Variants in PTPRQ observed in about 807,000 individuals in gnomAD.
PTPRQ encodes the protein protein tyrosine phosphatase receptor type Q, also known as phosphatidylinositol phosphatase PTPRQ.
A neutral mutation model predicts 246.0 loss-of-function variants in PTPRQ; 199 were observed. That is an observed-to-expected ratio of 0.81 (90% CI 0.72 to 0.91). The LOEUF is 0.91. Among genes scored for constraint, PTPRQ ranks in the 40% least tolerant of loss-of-function variants. The pLI is 0.00. For synonymous variants in PTPRQ, 869 were observed against 853.2 expected (o/e 1.02, Z -0.32); for missense variants, 2,624 against 2,528.4 (o/e 1.04, Z -0.81).
chr12:80,620,046 A>G, intron 31 of PTPRQ, 108 bp from the exon 32 acceptor site: 1 of 1,322,004 alleles, frequency 7.6e-7, no homozygotes, highest in African/African-American at 1.5e-5. Context: ...CTGGTGACTG[A>G]TGTTGCATCG....
At chr12:80,658,863 T>A (rs1190191723) in intron 39 of PTPRQ, among the ~76,000 whole-genome samples, 4 of 152,048 alleles carry the variant, frequency 2.6e-5, no homozygotes, top group African/African-American at 9.7e-5. Flanking sequence ...GGTCTTCTCA[T>A]CCATGCCCTC....
rs1156351437 is a variant in PTPRQ, at chr12:80,542,741, C to A, written c.3733C>A (p.Pro1245Thr). ...FYTDESVPLA[P>T]PQNLTLINCT... ...GTGTTTTCCTACAGTGCCGTTAGCACCTCCACAAAATTTGACTTTAATCAA... is the reference window on the plus strand; with the variant it reads ...GTGTTTTCCTACAGTGCCGTTAGCAACTCCACAAAATTTGACTTTAATCAA... The change falls in exon 23 of 45, where the codon CCT (proline) becomes ACT (threonine). Residue 1245 changes from proline (P) to threonine (T), a missense_variant. Coordinates refer to ENST00000644991, the MANE Select transcript of PTPRQ (RefSeq NM_001145026.2). 1.3e-6 allele frequency: 2 copies of A among 1,543,582 alleles called. No homozygotes were observed. The highest frequency in any genetic ancestry group is 1.2e-5 in the South Asian group (1 of 81,710).
At chr12:80,452,271 A>T (rs60770733) in intron 3 of PTPRQ, among the ~76,000 whole-genome samples, 14,290 of 149,646 alleles carry the variant, frequency 0.095, 1,437 homozygotes, top group African/African-American at 0.25. Flanking sequence ...TGCATGTGAG[A>T]TGGGTTTCCT....
chr12:80,510,239 T>C, intron 16 of PTPRQ, 84 bp from the exon 17 acceptor site: 16 of 1,280,144 alleles, frequency 1.2e-5, no homozygotes, highest in Non-Finnish European at 1.6e-5. Flanking sequence ...AGAAAGTTTA[T>C]AATAAAAATT....
chr12:80,560,514 T>C (rs560853836), intron 25 of PTPRQ, among the ~76,000 whole-genome samples: 12 of 152,312 alleles, frequency 7.9e-5, no homozygotes, highest in Admixed American at 2.0e-4. Flanking sequence ...TCCACTGTTA[T>C]ATGGCCACAA....
At chr12:80,491,646 T>TAAGG (rs1221859471) in intron 9 of PTPRQ, among the ~76,000 whole-genome samples, 1 of 151,946 alleles carries the variant, frequency 6.6e-6, no homozygotes, top group Non-Finnish European at 1.5e-5. Context: ...GGAATGAAGA[T>TAAGG]TTTTTGACTC....
At chr12:80,638,708 A>C (rs1899747917) in intron 35 of PTPRQ, among the ~76,000 whole-genome samples, 2 of 152,162 alleles carry the variant, frequency 1.3e-5, no homozygotes, top group South Asian at 4.1e-4. Flanking sequence ...CTATCATTCT[A>C]TACTATTTCT....
chr12:80,485,119 G>A (rs1465482131), intron 9 of PTPRQ, among the ~76,000 whole-genome samples: 2 of 151,894 alleles, frequency 1.3e-5, no homozygotes, highest in Non-Finnish European at 2.9e-5. Context: ...AGAAATTTAA[G>A]TCGTTTCATA....
intron 35 of PTPRQ, among the ~76,000 whole-genome samples, chr12:80,640,025 C>CGTGTGTGTGTGTGTGT (rs149812346): frequency 7.0e-6 from 1 of 142,904 alleles, no homozygotes; most frequent in African/African-American, 2.5e-5. Context: ...TGAAGATACA[C>CGTGTGTGTGTGTGTGT]GTGTGTGTGT....
intron 42 of PTPRQ, among the ~76,000 whole-genome samples, chr12:80,671,441 T>C (rs1900967289): frequency 6.6e-6 from 1 of 152,152 alleles, no homozygotes; most frequent in African/African-American, 2.4e-5. Context: ...CTCTGTATCA[T>C]GCAAATACAC....
At chr12:80,621,765 C>T (rs181423223) in intron 32 of PTPRQ, among the ~76,000 whole-genome samples, 7 of 152,044 alleles carry the variant, frequency 4.6e-5, no homozygotes, top group Non-Finnish European at 8.8e-5. Flanking sequence ...TCCATCTAAA[C>T]AAATCCTTGA....
intron 8 of PTPRQ, among the ~76,000 whole-genome samples, chr12:80,480,152 A>G (rs1893985027): frequency 6.6e-6 from 1 of 152,270 alleles, no homozygotes. Flanking sequence ...ATGTAAAAGA[A>G]CAGAAATTAT....
Position 80,588,136 on chromosome 12 carries a change from T to G in PTPRQ, c.4293T>G (p.Ser1431Arg). 1.3e-6 allele frequency: 2 copies of G among 1,523,800 alleles called. No homozygotes were observed. The highest frequency in any genetic ancestry group is 1.8e-6 in the Non-Finnish European group (2 of 1,133,470). The allele number at this position is 1,523,800 out of a possible 1,614,324, so 94.4% of individuals were successfully genotyped here. Reference protein sequence around the residue: ...HVSTLPETVPSVPTNIAFSDV... With the variant: ...HVSTLPETVPRVPTNIAFSDV... ...TTTCCCTTTAATTTTTAGTTCCCAGTGTTCCCACAAATATTGCTTTTTCTG... is the reference window on the plus strand; with the variant it reads ...TTTCCCTTTAATTTTTAGTTCCCAGGGTTCCCACAAATATTGCTTTTTCTG... Residue 1431 changes from serine (S) to arginine (R), a missense_variant, in exon 26 of 45, where the codon AGT (serine) becomes AGG (arginine). Ser to Arg is a moderately radical substitution (Grantham distance 110). Coordinates refer to ENST00000644991, the MANE Select transcript of PTPRQ (RefSeq NM_001145026.2).
chr12:80,468,875 T>G (rs1270914522), intron 7 of PTPRQ, 37 bp downstream of exon 7: 1 of 1,532,390 alleles, frequency 6.5e-7, no homozygotes, highest in Non-Finnish European at 8.8e-7. Context: ...CCTTTTGGAG[T>G]GAGAATAATA....
At chr12:80,675,504 G>T (rs1376072890) in intron 43 of PTPRQ, among the ~76,000 whole-genome samples, 1 of 152,104 alleles carries the variant, frequency 6.6e-6, no homozygotes, top group African/African-American at 2.4e-5. Context: ...AGACACTGGG[G>T]ATCAGTGCTC....
At chr12:80,572,256 T>C (rs2120959419) in intron 25 of PTPRQ, among the ~76,000 whole-genome samples, 2 of 152,242 alleles carry the variant, frequency 1.3e-5, no homozygotes, top group East Asian at 3.9e-4. Context: ...GTTAAAATTA[T>C]TTGCATGTAT....
chr12:80,538,620 T>A (rs1300860335), intron 19 of PTPRQ, among the ~76,000 whole-genome samples: 14 of 152,184 alleles, frequency 9.2e-5, no homozygotes. Context: ...GTAAATCTTT[T>A]ATTGCACTAT....
At chr12:80,496,588 C>T in intron 14 of PTPRQ, 57 bp downstream of exon 14, 1 of 1,486,254 alleles carries the variant, frequency 6.7e-7, no homozygotes, top group Non-Finnish European at 8.9e-7. Flanking sequence ...GTAAGCAAAG[C>T]TGATAATCGC....
At position 80,534,194 on chromosome 12, in the gene PTPRQ, C is replaced by A; in HGVS notation, c.2839+19C>A. ...GAGGGAGGTGAGTTAAGGATGTATG[C>A]CAATTAAAAGAATGTTCTTTTTCTT... is the stretch of plus-strand genomic sequence containing the variant. On this transcript the variant is annotated intron_variant, in intron 18 of 44. Transcript: ENST00000644991. The A allele has an allele frequency of 2.1e-6, 3 of 1,452,656 alleles. No individual in the cohort carries two copies. Among genetic ancestry groups the A allele is most frequent in the Admixed American group, 2.9e-5 (1 of 34,184 alleles). The allele number at this position is 1,452,656 out of a possible 1,614,324, so 90.0% of individuals were successfully genotyped here. A position where few individuals can be genotyped will look rare whatever the true frequency, so the allele number is the denominator to read the frequency against.
Sources: gnomAD v4.1 joint callset for allele counts (sites outside exome capture counted in the v4.1 genomes callset) on GRCh38, gnomAD v4.1.1 for gene constraint, MANE v1.5 for transcripts, NCBI Gene and HGNC (gene_info 2026-07-23, HGNC 2026-07-21) for gene names.